Variants in BLNK observed in about 807,000 individuals in gnomAD.
The protein encoded by BLNK is B cell linker.
Under a neutral mutation model 73.5 loss-of-function variants are expected in BLNK, and 29 were observed. The ratio of observed to expected loss-of-function variants is 0.39; its 90% CI spans 0.29 to 0.54. The LOEUF (loss-of-function observed/expected upper bound fraction) is 0.54. Ranked by LOEUF, BLNK falls within the 20% of genes least tolerant of loss-of-function variation. The pLI is 0.61. For synonymous variants in BLNK, 176 were observed against 200.8 expected, an observed-to-expected ratio of 0.88 and a Z score of 1.04; for missense variants, 460 against 562.8, an observed-to-expected ratio of 0.82 and a Z score of 1.85.
At chr10:96,221,448 CTGTT>C (rs1469089802) in intron 6 of BLNK, among the ~76,000 whole-genome samples, 7 of 152,182 alleles carry the variant, frequency 4.6e-5, no homozygotes, top group Non-Finnish European at 7.3e-5. Flanking sequence ...ATGTTGGCTT[CTGTT>C]TGTTTGTTTA....
chr10:96,215,339 G>A lies in BLNK; in HGVS notation c.658C>T (p.Pro220Ser), dbSNP rs140243924. 5 of 1,614,108 alleles carry A rather than the reference G, an allele frequency of 3.1e-6. No homozygotes were observed. The highest frequency in any genetic ancestry group is 4.2e-6 in the Non-Finnish European group (5 of 1,179,986). Residue 220 changes from proline (P) to serine (S), a missense_variant, in exon 8 of 17, where the codon CCT (proline) becomes TCT (serine). Coordinates refer to ENST00000224337, the MANE Select transcript of BLNK (RefSeq NM_013314.4). ...TKPNSSTPAS[P>S]PGTASGRNSG... ...ACTTTACCTGAAGCTGTTCCTGGAG[G>A]AGAGGCGGGCGTTGAGGAATTTGGC...
In BLNK at chr10:96,192,041, C is replaced by T. The variant is rs138157505; in HGVS notation, c.1303G>A (p.Val435Ile). 60 of 1,613,526 alleles carry T rather than the reference C, an allele frequency of 3.7e-5. No homozygotes were observed. The highest frequency in any genetic ancestry group is 1.6e-4 in the Middle Eastern group (1 of 6,076). The stretch of plus-strand genomic sequence containing the variant: ...GTGTTATTCTGACTGTCAATAAGAA[C>T]CAAAGGACTATGTTGATGATTCCTG... ...IIRNHQHSPL[V>I]LIDSQNNTKD... Residue 435 changes from valine to isoleucine, a missense_variant, in exon 17 of 17, where the codon GTT becomes ATT. By Grantham distance (29) the Val-to-Ile change is conservative (BLOSUM62 3). Coordinates refer to ENST00000224337, the MANE Select transcript of BLNK (RefSeq NM_013314.4).
intron 6 of BLNK, among the ~76,000 whole-genome samples, chr10:96,217,623 T>C (rs1446009915): frequency 1.3e-5 from 2 of 152,206 alleles, no homozygotes; most frequent in African/African-American, 4.8e-5. Context: ...GACATGTCTA[T>C]TCAAATCTTT....
At chr10:96,226,657 A>C (rs1465808984) in intron 5 of BLNK, among the ~76,000 whole-genome samples, 1 of 152,094 alleles carries the variant, frequency 6.6e-6, no homozygotes, top group African/African-American at 2.4e-5. Context: ...CCTGGCCAAC[A>C]TGAGGAAATC....
At position 96,189,739 on chromosome 10, in the gene BLNK, T is replaced by G; in HGVS notation, c.*2234A>C. The G allele has an allele frequency of 1.4e-6, 1 of 731,622 alleles. No individual in the cohort carries two copies. Among genetic ancestry groups the G allele is most frequent in the Non-Finnish European group, 2.5e-6 (1 of 401,254 alleles). 45.3% of individuals were successfully genotyped at this position (731,622 alleles called of 1,614,324 possible). Reference sequence around the variant, plus strand: ...ATCATCATCATCATCATCATCTTCATCAGCAGCAAGTTTTACTTTTATTCT... The same window carrying G: ...ATCATCATCATCATCATCATCTTCAGCAGCAGCAAGTTTTACTTTTATTCT... On this transcript the variant is annotated 3_prime_UTR_variant, in exon 17 of 17. Transcript: ENST00000224337.
chr10:96,201,379 A>AACAT (rs1211316279), intron 13 of BLNK, among the ~76,000 whole-genome samples: 1 of 152,254 alleles, frequency 6.6e-6, no homozygotes, highest in Non-Finnish European at 1.5e-5. Flanking sequence ...ATGTTGCAGT[A>AACAT]ACATACATTA....
chr10:96,263,769 C>T (rs572188871), intron 1 of BLNK, among the ~76,000 whole-genome samples: 94 of 152,276 alleles, frequency 6.2e-4, no homozygotes, highest in Middle Eastern at 6.8e-3. Flanking sequence ...GAGACAAATA[C>T]GCCAGTAATG....
At chr10:96,234,648 G>A (rs1275300460) in intron 3 of BLNK, among the ~76,000 whole-genome samples, 6 of 152,202 alleles carry the variant, frequency 3.9e-5, no homozygotes, top group Admixed American at 3.3e-4. Context: ...TACATCTGAA[G>A]CTCTTAGCAA....
intron 3 of BLNK, among the ~76,000 whole-genome samples, chr10:96,241,683 C>G (rs6584058): frequency 1.3e-5 from 2 of 151,790 alleles, no homozygotes; most frequent in African/African-American, 4.8e-5. Context: ...GGAATTCCAC[C>G]CAACTTTGTG....
intron 13 of BLNK, chr10:96,203,497 A>C (rs1197764909): frequency 6.6e-6 from 1 of 152,092 alleles, no homozygotes; most frequent in Non-Finnish European, 1.5e-5. Flanking sequence ...TTTTTTTCCC[A>C]CATTGAGTTG....
chr10:96,227,846 CAA>C (rs587773575), intron 4 of BLNK, among the ~76,000 whole-genome samples: 58 of 152,178 alleles, frequency 3.8e-4, no homozygotes, highest in African/African-American at 1.3e-3. Context: ...CAACAAATAA[CAA>C]GAGGAGATAA....
At chr10:96,215,812 G>T in intron 7 of BLNK, 1 of 162,222 alleles carries the variant, frequency 6.2e-6, no homozygotes, top group East Asian at 1.8e-4. Flanking sequence ...ACACACCATT[G>T]CTCTGGGATT....
At chr10:96,209,052 A>G (rs2083888058) in intron 9 of BLNK, among the ~76,000 whole-genome samples, 1 of 152,218 alleles carries the variant, frequency 6.6e-6, no homozygotes, top group Non-Finnish European at 1.5e-5. Context: ...GACGTTTGTA[A>G]TATTAACACA....
chr10:96,208,004 T>C, intron 9 of BLNK, 105 bp from the exon 10 acceptor site: 1 of 1,215,252 alleles, frequency 8.2e-7, no homozygotes. Context: ...ATGAAAGCGA[T>C]ACAAGTGTGT....
At position 96,216,325 on chromosome 10, in the gene BLNK, G is replaced by C. The variant is rs980947601; in HGVS notation, c.607+328C>G. ...GTGCAATGTTTACAAGGCCAACATG[G>C]TGGCTTGTGACATTGTATTAGGTTT... On this transcript the variant is annotated intron_variant, in intron 7 of 16. Coordinates refer to ENST00000224337, the MANE Select transcript of BLNK (RefSeq NM_013314.4). 36 of 338,632 alleles carry C rather than the reference G, an allele frequency of 1.1e-4. No homozygotes were observed. In the South Asian group the frequency reaches 1.3e-3, roughly 12 times the overall value. 21.0% of individuals were successfully genotyped at this position (338,632 alleles called of 1,614,324 possible).
At chr10:96,207,168 A>C in intron 10 of BLNK, 115 bp from the exon 11 acceptor site, 1 of 916,342 alleles carries the variant, frequency 1.1e-6, no homozygotes, top group South Asian at 1.4e-5. Flanking sequence ...ATGCATTGCT[A>C]TTCTTTCAAT....
At chr10:96,270,075 AT>A (rs781856646) in intron 1 of BLNK, among the ~76,000 whole-genome samples, 2 of 152,078 alleles carry the variant, frequency 1.3e-5, no homozygotes, top group East Asian at 3.9e-4. Flanking sequence ...GGGTGTAGCT[AT>A]TTGAGACCAA....
chr10:96,269,429 A>C (rs1434126933), intron 1 of BLNK, among the ~76,000 whole-genome samples: 2 of 152,154 alleles, frequency 1.3e-5, no homozygotes, highest in African/African-American at 4.8e-5. Context: ...AACAAAAAAA[A>C]AAAAACATTT....
chr10:96,213,873 T>C (rs2084003424), intron 8 of BLNK, among the ~76,000 whole-genome samples: 1 of 152,178 alleles, frequency 6.6e-6, no homozygotes, highest in African/African-American at 2.4e-5. Flanking sequence ...CCTTTGTCTC[T>C]CCAGAGGGTA....
Sources: allele counts gnomAD v4.1 joint callset (sites outside exome capture counted in the v4.1 genomes callset), GRCh38; gene constraint gnomAD v4.1.1; transcripts MANE v1.5; gene names NCBI Gene and HGNC (gene_info 2026-07-23, HGNC 2026-07-21).